Variants in TESMIN observed in about 807,000 individuals in gnomAD.
The protein encoded by TESMIN is testis expressed metallothionein like protein.
Under a neutral mutation model 47.4 loss-of-function variants are expected in TESMIN, and 34 were observed. That is an observed-to-expected ratio of 0.72 (90% confidence interval 0.55 to 0.96). The LOEUF (loss-of-function observed/expected upper bound fraction) is 0.96, where lower values mean the gene tolerates loss of function less well. Ranked by LOEUF, TESMIN falls within the 40% of genes least tolerant of loss-of-function variation. The pLI is 0.00. For synonymous variants in TESMIN, 278 were observed against 258.9 expected (o/e 1.07, Z -0.71); for missense variants, 610 against 637.2 (o/e 0.96, Z 0.46).
In TESMIN at chr11:68,750,510, C is replaced by A; in HGVS notation, c.151G>T (p.Glu51Ter). 1 of 1,604,462 alleles carries A rather than the reference C, an allele frequency of 6.2e-7. No homozygotes were observed. The highest frequency in any genetic ancestry group is 2.2e-5 in the East Asian group (1 of 44,492). The change falls in exon 2 of 10, where the codon GAA becomes TAA. Residue 51 changes from glutamate (E) to a stop codon, truncating the protein, a stop_gained. Coordinates refer to ENST00000255087, the MANE Select transcript of TESMIN (RefSeq NM_004923.3). LOFTEE classifies it high-confidence loss of function. ...GGGTCCGCCGGGCCCAGGTACGCTTCTTTGAAGACGTGGAACTCGTCCTCC... is the reference window on the plus strand; with the variant it reads ...GGGTCCGCCGGGCCCAGGTACGCTTATTTGAAGACGTGGAACTCGTCCTCC... ...YEEDEFHVFKEAYLGPADPKE... is the reference protein window; with the variant it reads ...YEEDEFHVFK
intron 3 of TESMIN, 139 bp downstream of exon 3, chr11:68,747,069 T>G: frequency 1.2e-6 from 1 of 847,196 alleles, no homozygotes; most frequent in Non-Finnish European, 1.9e-6. Context: ...GTCCCTGTTT[T>G]GCTAATGAGA....
At chr11:68,716,636 G>C (rs998123099) in intron 6 of TESMIN, among the ~76,000 whole-genome samples, 2 of 152,218 alleles carry the variant, frequency 1.3e-5, no homozygotes, top group Admixed American at 1.3e-4. Flanking sequence ...GGGCTTCCTG[G>C]GAGAGCCGCC....
intron 6 of TESMIN, among the ~76,000 whole-genome samples, chr11:68,721,832 C>T (rs7101673): frequency 0.6 from 90,858 of 152,012 alleles, 28,714 homozygotes; most frequent in East Asian, 0.78. Context: ...AATAAGCAAG[C>T]GAAAAAGCAG....
chr11:68,742,757 T>C (rs1020686508), intron 4 of TESMIN, among the ~76,000 whole-genome samples: 1 of 152,200 alleles, frequency 6.6e-6, no homozygotes, highest in Non-Finnish European at 1.5e-5. Context: ...AGGGTCTCGC[T>C]ATGTTGCGAG....
chr11:68,746,592 G>A (rs546488145), intron 3 of TESMIN, among the ~76,000 whole-genome samples: 131 of 152,282 alleles, frequency 8.6e-4, no homozygotes, highest in African/African-American at 3.0e-3. Flanking sequence ...TGCTGTGGGC[G>A]ACACTCTCCC....
In TESMIN at chr11:68,707,935, A is replaced by G; in HGVS notation, c.*373T>C. The stretch of plus-strand genomic sequence containing the variant: ...TCCAGAGCAACATTCTCTGAGAGGA[A>G]GAGTCGACCAGAGTGAGCTCTCCGC... On this transcript the variant is annotated 3_prime_UTR_variant, in exon 10 of 10. Transcript: ENST00000255087. 4.4e-6 allele frequency: 2 copies of G among 458,180 alleles called. No individual in the cohort carries two copies. Among genetic ancestry groups the G allele is most frequent in the Admixed American group, 2.4e-5 (1 of 41,954 alleles). 28.4% of individuals were successfully genotyped at this position (458,180 alleles called of 1,614,324 possible). A position where few individuals can be genotyped will look rare whatever the true frequency, so the allele number is the denominator to read the frequency against.
At chr11:68,746,170 T>TACACACACACACACACACACACAC (rs56975910) in intron 3 of TESMIN, among the ~76,000 whole-genome samples, 145 of 149,592 alleles carry the variant, frequency 9.7e-4, no homozygotes, top group African/African-American at 3.4e-3. Flanking sequence ...AAGTTATAGC[T>TACACACACACACACACACACACAC]ACACACACAC....
chr11:68,747,433 T>C, intron 2 of TESMIN, 67 bp from the exon 3 acceptor site: 1 of 1,403,746 alleles, frequency 7.1e-7, no homozygotes, highest in Admixed American at 1.8e-5. Flanking sequence ...TTGCATAATT[T>C]AGAAAATTGA....
chr11:68,744,298 T>C (rs1389051025), intron 4 of TESMIN, among the ~76,000 whole-genome samples: 1 of 152,238 alleles, frequency 6.6e-6, no homozygotes, highest in Admixed American at 6.5e-5. Context: ...TCTAGGGTAA[T>C]GTGATTACGT....
At chr11:68,749,198 T>G (rs1025181902) in intron 2 of TESMIN, among the ~76,000 whole-genome samples, 1 of 152,218 alleles carries the variant, frequency 6.6e-6, no homozygotes, top group Non-Finnish European at 1.5e-5. Context: ...CTGGGGGAAC[T>G]GGTGAGCTCT....
Position 68,707,769 on chromosome 11 carries a change from T to C in TESMIN, c.*539A>G, listed in dbSNP as rs1161159014. ...CAGTTCGCGTGCCTCTGGGGAAATA[T>C]CTACGCTACAGAAAATCTTTAGGTG... On this transcript the variant is annotated 3_prime_UTR_variant, in exon 10 of 10. Transcript: ENST00000255087. 2.2e-6 allele frequency: 1 copy of C among 453,790 alleles called. No individual in the cohort carries two copies. Among genetic ancestry groups the C allele is most frequent in the Non-Finnish European group, 4.4e-6 (1 of 224,980 alleles). The allele number at this position is 453,790 out of a possible 1,614,324, so 28.1% of individuals were successfully genotyped here. A position where few individuals can be genotyped will look rare whatever the true frequency, so the allele number is the denominator to read the frequency against.
At chr11:68,742,428 A>T (rs1245446747) in intron 4 of TESMIN, 34 bp from the exon 5 acceptor site, 2 of 1,389,154 alleles carry the variant, frequency 1.4e-6, no homozygotes, top group South Asian at 1.2e-5. Flanking sequence ...TAATTGTAGC[A>T]TCTATCGTTC....
At position 68,722,524 on chromosome 11, in the gene TESMIN, C is replaced by CA. The variant is rs112503074; in HGVS notation, c.918-6586dup. 2.8e-3 allele frequency among the ~76,000 whole-genome samples: 407 copies of CA among 143,718 alleles called. 1 individual carries two copies. Among genetic ancestry groups the CA allele is most frequent in the African/African-American group, 8.7e-3 (345 of 39,488 alleles). 94.3% of individuals were successfully genotyped at this position (143,718 alleles called of 152,430 possible). On this transcript the variant is annotated intron_variant, in intron 6 of 9. Coordinates refer to ENST00000255087, the MANE Select transcript of TESMIN (RefSeq NM_004923.3). Reference sequence around the variant, plus strand: ...GGAACCTAAATAAAACTTAAAACTTCAAAAAAAAAAAGTTGTTACAAATAA... The same window carrying CA: ...GGAACCTAAATAAAACTTAAAACTTCAAAAAAAAAAAAGTTGTTACAAATAA...
intron 8 of TESMIN, among the ~76,000 whole-genome samples, chr11:68,712,195 G>A (rs1199232234): frequency 6.6e-6 from 1 of 152,260 alleles, no homozygotes; most frequent in African/African-American, 2.4e-5. Context: ...CCTTGGGGAA[G>A]TGGGCTGAGC....
intron 6 of TESMIN, among the ~76,000 whole-genome samples, chr11:68,725,945 A>C (rs756612913): frequency 1.3e-5 from 2 of 152,192 alleles, no homozygotes; most frequent in Non-Finnish European, 1.5e-5. Context: ...GGCCAAGCTA[A>C]AACTGAAGCC....
chr11:68,735,378 G>A (rs1229136677), intron 6 of TESMIN, among the ~76,000 whole-genome samples: 1 of 152,206 alleles, frequency 6.6e-6, no homozygotes, highest in Non-Finnish European at 1.5e-5. Context: ...GGGGGCTTGC[G>A]GAGGCAGTCC....
intron 8 of TESMIN, among the ~76,000 whole-genome samples, chr11:68,712,538 G>C (rs760882919): frequency 2.6e-5 from 4 of 152,176 alleles, no homozygotes; most frequent in Non-Finnish European, 5.9e-5. Context: ...CTGTTCCCCT[G>C]ATAGGGCCTA....
chr11:68,735,779 GGAA>G (rs1246672382), intron 6 of TESMIN, among the ~76,000 whole-genome samples: 14 of 152,362 alleles, frequency 9.2e-5, no homozygotes, highest in African/African-American at 2.9e-4. Flanking sequence ...CGGCACAGAT[GGAA>G]GAAGTGAAAA....
intron 9 of TESMIN, among the ~76,000 whole-genome samples, chr11:68,709,712 T>G (rs1022365128): frequency 6.6e-6 from 1 of 152,204 alleles, no homozygotes; most frequent in African/African-American, 2.4e-5. Context: ...AAGATAGGGC[T>G]GCCCTTGGGA....
Sources: allele counts gnomAD v4.1 joint callset (sites outside exome capture counted in the v4.1 genomes callset), GRCh38; gene constraint gnomAD v4.1.1; transcripts MANE v1.5; gene names NCBI Gene and HGNC (gene_info 2026-07-23, HGNC 2026-07-21).